ASB3: variants seen among roughly 807,000 people sequenced by gnomAD.
The protein encoded by ASB3 is ankyrin repeat and SOCS box containing 3, also known as ankyrin repeat and SOCS box protein 3.
In ASB3, 41 loss-of-function variants were observed where a neutral mutation model predicts 54.5. The observed-to-expected ratio is 0.75, with a 90% confidence interval of 0.59 to 0.98. The LOEUF (loss-of-function observed/expected upper bound fraction) is 0.98. Ranked by LOEUF, ASB3 falls within the 50% of genes least tolerant of loss-of-function variation. ASB3 has a pLI of 0.00. For synonymous variants in ASB3, 266 were observed against 221.2 expected, an observed-to-expected ratio of 1.20 and a Z score of -1.80; for missense variants, 733 against 620.0, an observed-to-expected ratio of 1.18 and a Z score of -1.94.
chr2:53,718,955 C>T (rs1435265888), intron 5 of ASB3, among the ~76,000 whole-genome samples: 1 of 152,032 alleles, frequency 6.6e-6, no homozygotes, highest in African/African-American at 2.4e-5. Flanking sequence ...TGAGTCTCGC[C>T]GTGTCGCCAG....
chr2:53,676,844 A>G (rs1668106012), intron 9 of ASB3, among the ~76,000 whole-genome samples: 3 of 152,190 alleles, frequency 2.0e-5, no homozygotes, highest in African/African-American at 7.2e-5. Flanking sequence ...ATCTCAGCTC[A>G]CTGCAACTTT....
At chr2:53,749,445 T>G (rs1342538634) in intron 3 of ASB3, among the ~76,000 whole-genome samples, 1 of 152,116 alleles carries the variant, frequency 6.6e-6, no homozygotes, top group African/African-American at 2.4e-5. Context: ...ATACCAATCC[T>G]AAGTATTAAC....
intron 5 of ASB3, among the ~76,000 whole-genome samples, chr2:53,724,354 C>T (rs2103882471): frequency 6.6e-6 from 1 of 152,310 alleles, no homozygotes; most frequent in Admixed American, 6.5e-5. Flanking sequence ...AATCTCAGCA[C>T]TTTGGAGGCC....
At chr2:53,769,630 T>C (rs1219158644) in intron 1 of ASB3, among the ~76,000 whole-genome samples, 3 of 152,324 alleles carry the variant, frequency 2.0e-5, no homozygotes, top group Admixed American at 6.5e-5. Flanking sequence ...GTGGATCACC[T>C]GAGGTCGGGA....
At chr2:53,705,371 A>C (rs1182690913) in intron 7 of ASB3, among the ~76,000 whole-genome samples, 1 of 152,216 alleles carries the variant, frequency 6.6e-6, no homozygotes, top group Non-Finnish European at 1.5e-5. Context: ...CAAAATTTCT[A>C]AGAGATGCAA....
intron 6 of ASB3, 75 bp from the exon 7 acceptor site, chr2:53,714,656 A>AT: frequency 6.7e-7 from 1 of 1,485,764 alleles, no homozygotes; most frequent in Non-Finnish European, 9.1e-7. Context: ...CTATAGCACA[A>AT]TTTTTTTCAG....
chr2:53,700,466 T>G lies in ASB3; in HGVS notation c.1043A>C (p.His348Pro). 1 of 1,614,106 alleles carries G rather than the reference T, an allele frequency of 6.2e-7. No individual in the cohort carries two copies. The change falls in exon 8 of 10, where the codon CAT becomes CCT. Residue 348 changes from histidine (H) to proline (P), a missense_variant. Physicochemically the swap from His to Pro is moderately conservative, Grantham distance 77. Coordinates refer to ENST00000263634, the MANE Select transcript of ASB3 (RefSeq NM_016115.5). Reference sequence around the variant, plus strand: ...CTCGTACTTCAGGCAGTATGCCAAATGAAGTTCATTTATCTGGGCTCCATA... The same window carrying G: ...CTCGTACTTCAGGCAGTATGCCAAAGGAAGTTCATTTATCTGGGCTCCATA... The part of the protein sequence containing the change: ...LKYGAQINEL[H>P]LAYCLKYEKF...
chr2:53,716,414 A>C, intron 6 of ASB3, 152 bp downstream of exon 6: 1 of 894,638 alleles, frequency 1.1e-6, no homozygotes, highest in Non-Finnish European at 1.6e-6. Flanking sequence ...GACAGCATGA[A>C]GGACAGATTA....
intron 2 of ASB3, among the ~76,000 whole-genome samples, chr2:53,761,110 G>C (rs1340427020): frequency 6.6e-6 from 1 of 152,176 alleles, no homozygotes. Flanking sequence ...CTGAGAGACA[G>C]GACTAGCTGG....
At chr2:53,679,869 G>A (rs1028631762) in intron 9 of ASB3, among the ~76,000 whole-genome samples, 15 of 152,032 alleles carry the variant, frequency 9.9e-5, no homozygotes, top group African/African-American at 3.4e-4. Flanking sequence ...GTACTCATTC[G>A]TTATTTTTTC....
Position 53,729,947 on chromosome 2 carries a change from C to T in ASB3, c.356-377G>A, listed in dbSNP as rs77823979. Among the ~76,000 whole-genome samples, 104 of 152,246 alleles carry T rather than the reference C, an allele frequency of 6.8e-4. No individual in the cohort carries two copies. In the East Asian group the frequency reaches 0.012, roughly 18 times the overall value. ...AATCTCAAAAGGACTGAAAGGTTTG[C>T]TATTACTACATTTGATCACAAATAA... On this transcript the variant is annotated intron_variant, in intron 3 of 9. Transcript: ENST00000263634.
intron 9 of ASB3, among the ~76,000 whole-genome samples, chr2:53,676,405 C>T (rs928340999): frequency 1.3e-5 from 2 of 152,186 alleles, no homozygotes; most frequent in African/African-American, 4.8e-5. Context: ...TTCCAAAACA[C>T]ATCATTCTGT....
At chr2:53,769,231 C>G (rs547652764) in intron 1 of ASB3, among the ~76,000 whole-genome samples, 68 of 152,328 alleles carry the variant, frequency 4.5e-4, no homozygotes, top group Non-Finnish European at 7.6e-4. Context: ...TCAGTTTTGG[C>G]TGGGCCCGGT....
At chr2:53,702,780 G>T (rs1400863808) in intron 7 of ASB3, among the ~76,000 whole-genome samples, 1 of 152,140 alleles carries the variant, frequency 6.6e-6, no homozygotes, top group Non-Finnish European at 1.5e-5. Flanking sequence ...AGCACAGTAA[G>T]AGAAAATTCA....
intron 7 of ASB3, among the ~76,000 whole-genome samples, chr2:53,709,444 C>T (rs1029937880): frequency 1.4e-4 from 22 of 152,140 alleles, no homozygotes; most frequent in African/African-American, 5.1e-4. Context: ...TTGCATTGGT[C>T]TTGCCTCTAC....
rs532122334 is a variant in ASB3, at chr2:53,780,349, T to C, written c.-14+6472A>G. Among the ~76,000 whole-genome samples the C allele has an allele frequency of 1.7e-4, 26 of 152,246 alleles. No homozygotes were observed. In the South Asian group the frequency reaches 5.4e-3, roughly 32 times the overall value. On this transcript the variant is annotated intron_variant, in intron 1 of 9. Coordinates refer to ENST00000263634, the MANE Select transcript of ASB3 (RefSeq NM_016115.5). ...CCTAGCTCAAATGAGCGAACTAATG[T>C]TATGTGGCAAGCAATGACTATGCAC...
intron 9 of ASB3, among the ~76,000 whole-genome samples, chr2:53,692,158 G>A (rs1284599549): frequency 6.6e-6 from 1 of 152,064 alleles, no homozygotes; most frequent in Admixed American, 6.6e-5. Flanking sequence ...TGTCTACAGG[G>A]GGGGCAAAAA....
At chr2:53,737,041 C>T (rs1671676525) in intron 3 of ASB3, among the ~76,000 whole-genome samples, 1 of 152,136 alleles carries the variant, frequency 6.6e-6, no homozygotes, top group Non-Finnish European at 1.5e-5. Context: ...AAGATTCCCT[C>T]GCCAAATTGA....
chr2:53,729,039 T>A (rs901731505), intron 4 of ASB3, among the ~76,000 whole-genome samples, 192 bp from the exon 5 acceptor site: 1 of 152,130 alleles, frequency 6.6e-6, no homozygotes, highest in Admixed American at 6.5e-5. Context: ...ATATTTCTAG[T>A]TAACCCAATA....
Sources: allele counts gnomAD v4.1 joint callset (sites outside exome capture counted in the v4.1 genomes callset), GRCh38; gene constraint gnomAD v4.1.1; transcripts MANE v1.5; gene names NCBI Gene and HGNC (gene_info 2026-07-23, HGNC 2026-07-21).